DIP2B: variants seen among roughly 807,000 people sequenced by gnomAD.
The protein encoded by DIP2B is DIP2 acetate--CoA ligase B (putative).
Under a neutral mutation model 198.0 loss-of-function variants are expected in DIP2B, and 76 were observed. The ratio of observed to expected loss-of-function variants is 0.38; its 90% CI spans 0.32 to 0.46. The LOEUF (loss-of-function observed/expected upper bound fraction) is 0.46, where lower values mean the gene tolerates loss of function less well. Ranked by LOEUF, DIP2B falls within the 20% of genes least tolerant of loss-of-function variation. The pLI is 0.99. For synonymous variants in DIP2B, 701 were observed against 739.1 expected, an observed-to-expected ratio of 0.95 and a Z score of 0.84; for missense variants, 1,559 against 1,978.4, an observed-to-expected ratio of 0.79 and a Z score of 4.02.
Position 50,686,668 on chromosome 12 carries a change from C to T in DIP2B, c.1537C>T (p.Pro513Ser), listed in dbSNP as rs778831870. 5 of 1,613,882 alleles carry T rather than the reference C, an allele frequency of 3.1e-6. No homozygotes were observed. The highest frequency in any genetic ancestry group is 4.2e-6 in the Non-Finnish European group (5 of 1,179,936). Residue 513 changes from proline (P) to serine (S), a missense_variant, in exon 12 of 38, where the codon CCG (proline) becomes TCG (serine). Physicochemically the swap from Pro to Ser is moderately conservative, Grantham distance 74. Coordinates refer to ENST00000301180, the MANE Select transcript of DIP2B (RefSeq NM_173602.3). Reference sequence around the variant, plus strand: ...ACACATCTCACCTGCTGGGACAGAACCGGCATACATTGAGGTAAGTCCTAA... The same window carrying T: ...ACACATCTCACCTGCTGGGACAGAATCGGCATACATTGAGGTAAGTCCTAA... ...QPHISPAGTE[P>S]AYIEYKTSKE... is the part of the protein sequence containing the mutation.
chr12:50,691,210 C>T, intron 13 of DIP2B, 59 bp downstream of exon 13: 3 of 1,444,816 alleles, frequency 2.1e-6, no homozygotes, highest in Non-Finnish European at 2.9e-6. Context: ...TGACTGTGAG[C>T]ACAATGCTCA....
chr12:50,593,289 G>A (rs545391061), intron 1 of DIP2B, among the ~76,000 whole-genome samples: 4 of 152,046 alleles, frequency 2.6e-5, no homozygotes, highest in Non-Finnish European at 5.9e-5. Flanking sequence ...GGCGGATCAC[G>A]AGGTCAAGAG....
At chr12:50,647,472 C>T (rs1012650308) in intron 3 of DIP2B, among the ~76,000 whole-genome samples, 2 of 152,034 alleles carry the variant, frequency 1.3e-5, no homozygotes, top group Non-Finnish European at 2.9e-5. Context: ...TAAAATATCC[C>T]CTCCTTTTCC....
intron 37 of DIP2B, among the ~76,000 whole-genome samples, chr12:50,743,208 G>A (rs961763595): frequency 7.9e-5 from 12 of 151,942 alleles, no homozygotes; most frequent in East Asian, 3.9e-4. Context: ...TCAGCCTCCC[G>A]GGTAGCTGGG....
intron 1 of DIP2B, among the ~76,000 whole-genome samples, chr12:50,581,424 G>T (rs1488087899): frequency 6.7e-6 from 1 of 149,416 alleles, no homozygotes; most frequent in Non-Finnish European, 1.5e-5. Context: ...GGTTGGAGGC[G>T]CCCAATAGGA....
At chr12:50,554,303 A>G (rs1017985663) in intron 1 of DIP2B, among the ~76,000 whole-genome samples, 1 of 152,192 alleles carries the variant, frequency 6.6e-6, no homozygotes, top group African/African-American at 2.4e-5. Context: ...TTTTGATTAA[A>G]TATTAGATTG....
chr12:50,513,231 G>C (rs967839811), intron 1 of DIP2B, among the ~76,000 whole-genome samples: 28 of 152,182 alleles, frequency 1.8e-4, no homozygotes, highest in African/African-American at 6.0e-4. Flanking sequence ...GAATCAATTT[G>C]TGATAAATTT....
chr12:50,655,830 A>C (rs1044319661), intron 3 of DIP2B, among the ~76,000 whole-genome samples: 24 of 152,286 alleles, frequency 1.6e-4, no homozygotes, highest in African/African-American at 5.5e-4. Context: ...AAATACAAAA[A>C]ATTAGCTGGG....
In DIP2B at chr12:50,703,695, T is replaced by G. The variant is rs368235286; in HGVS notation, c.2326-445T>G. ...ACAGGGCTCAGAAAAATCCAGGCAC[T>G]TGCCTAAAGTCTATGTTACTAGTAA... On this transcript the variant is annotated intron_variant, in intron 19 of 37. Transcript: ENST00000301180. Among the ~76,000 whole-genome samples the G allele has an allele frequency of 7.9e-5, 12 of 152,290 alleles. No individual in the cohort carries two copies. The South Asian group carries it at 2.1e-3, about 26-fold the overall frequency.
At chr12:50,646,681 C>CA (rs1565857292) in intron 3 of DIP2B, among the ~76,000 whole-genome samples, 3 of 152,162 alleles carry the variant, frequency 2.0e-5, no homozygotes, top group Admixed American at 1.3e-4. Flanking sequence ...CCTGGCCTCT[C>CA]AATGTGCTGG....
At chr12:50,683,761 C>T (rs774581133) in intron 10 of DIP2B, among the ~76,000 whole-genome samples, 1 of 151,724 alleles carries the variant, frequency 6.6e-6, no homozygotes, top group African/African-American at 2.4e-5. Context: ...CCAGCTTGGG[C>T]GACAGAGCAA....
intron 1 of DIP2B, among the ~76,000 whole-genome samples, chr12:50,554,076 C>T (rs1481664603): frequency 6.6e-6 from 1 of 152,126 alleles, no homozygotes; most frequent in Non-Finnish European, 1.5e-5. Flanking sequence ...CAACAGATAG[C>T]TCTTCTGCTT....
chr12:50,633,292 A>G (rs183477274), intron 2 of DIP2B: 3 of 152,344 alleles, frequency 2.0e-5, no homozygotes, highest in Admixed American at 6.5e-5. Flanking sequence ...TTGGCAGTAC[A>G]TATACTAAAA....
In DIP2B at chr12:50,717,588, C is replaced by T. The variant is rs192049874; in HGVS notation, c.2852-1121C>T. ...TTCACCGCGTTAGCCGGGATGGTCT[C>T]GGTCTCCTGACCTTGTGATCCGCCC... On this transcript the variant is annotated intron_variant, in intron 23 of 37. Coordinates refer to ENST00000301180, the MANE Select transcript of DIP2B (RefSeq NM_173602.3). Among the ~76,000 whole-genome samples the T allele has an allele frequency of 4.6e-3, 696 of 151,634 alleles. 9 individuals are homozygous for T. The highest frequency in any genetic ancestry group is 0.016 in the African/African-American group (657 of 41,326).
chr12:50,665,778 A>G (rs1341711513), intron 4 of DIP2B, among the ~76,000 whole-genome samples: 33 of 151,132 alleles, frequency 2.2e-4, no homozygotes, highest in South Asian at 4.2e-4. Flanking sequence ...CTCAACTGAA[A>G]AAAAAAAAAA....
intron 1 of DIP2B, among the ~76,000 whole-genome samples, chr12:50,565,751 G>A (rs1391083432): frequency 6.6e-6 from 1 of 152,120 alleles, no homozygotes; most frequent in Non-Finnish European, 1.5e-5. Flanking sequence ...AAAAGTCAAT[G>A]TAGTCCCAAT....
chr12:50,599,428 C>T (rs1311526283), intron 1 of DIP2B, among the ~76,000 whole-genome samples: 3 of 152,028 alleles, frequency 2.0e-5, no homozygotes, highest in African/African-American at 7.3e-5. Flanking sequence ...CCAGCTTGAC[C>T]AACATGGTGA....
intron 1 of DIP2B, among the ~76,000 whole-genome samples, chr12:50,554,756 C>T (rs761407698): frequency 6.6e-6 from 1 of 151,482 alleles, no homozygotes; most frequent in East Asian, 1.9e-4. Context: ...GACATCTCGC[C>T]GCTCCCCCCC....
At chr12:50,625,559 A>C (rs562690721) in intron 1 of DIP2B, among the ~76,000 whole-genome samples, 1 of 152,250 alleles carries the variant, frequency 6.6e-6, no homozygotes, top group African/African-American at 2.4e-5. Context: ...TCTTACTTTT[A>C]TGTGGTTCGT....
Sources: gnomAD v4.1 joint callset for allele counts (sites outside exome capture counted in the v4.1 genomes callset) on GRCh38, gnomAD v4.1.1 for gene constraint, MANE v1.5 for transcripts, NCBI Gene and HGNC (gene_info 2026-07-23, HGNC 2026-07-21) for gene names.